SPHKAP: variants seen among roughly 807,000 people sequenced by gnomAD.
SPHKAP encodes the protein SPHK1 interactor, AKAP domain containing.
In SPHKAP, 67 loss-of-function variants were observed where a neutral mutation model predicts 137.5. The ratio of observed to expected loss-of-function variants is 0.49; its 90% CI spans 0.40 to 0.60. The LOEUF (loss-of-function observed/expected upper bound fraction) is 0.60, where lower values mean the gene tolerates loss of function less well. SPHKAP is among the 20% of genes least tolerant of loss of function. The pLI, the probability that SPHKAP is intolerant of heterozygous loss-of-function variation, is 0.00. For synonymous variants in SPHKAP, 813 were observed against 785.3 expected, an observed-to-expected ratio of 1.04 and a Z score of -0.59; for missense variants, 2,097 against 2,069.3, an observed-to-expected ratio of 1.01 and a Z score of -0.26.
intron 2 of SPHKAP, among the ~76,000 whole-genome samples, chr2:228,110,605 C>T (rs1050043088): frequency 2.0e-5 from 3 of 149,180 alleles, no homozygotes; most frequent in Non-Finnish European, 3.0e-5. Flanking sequence ...AATCAGACTA[C>T]TTTGATAATA....
At chr2:228,109,263 T>C (rs2106348236) in intron 2 of SPHKAP, 3 of 594,062 alleles carry the variant, frequency 5.0e-6, no homozygotes, top group Non-Finnish European at 6.4e-6. Context: ...ATGTGGGCAA[T>C]GGGGATCAAA....
At position 228,017,925 on chromosome 2, in the gene SPHKAP, G is replaced by A. The variant is rs1694673286; in HGVS notation, c.2929C>T (p.Arg977Ter). Reference sequence around the variant, plus strand: ...CTCTCTTTCTTCCTCTTCAAGGATCGGCAGGGTACGTTGGGTGTCATCAGA... The same window carrying A: ...CTCTCTTTCTTCCTCTTCAAGGATCAGCAGGGTACGTTGGGTGTCATCAGA... Reference protein sequence around the residue: ...EFLMTPNVPCRSLKRKKESQG... With the variant: ...EFLMTPNVPC The change falls in exon 7 of 12, where the codon CGA becomes TGA. Residue 977 changes from arginine to a stop codon, truncating the protein, a stop_gained. Coordinates refer to ENST00000392056, the MANE Select transcript of SPHKAP (RefSeq NM_001142644.2). LOFTEE classifies it high-confidence loss of function. The A allele has an allele frequency of 6.8e-6, 11 of 1,614,076 alleles. No individual in the cohort carries two copies. Among genetic ancestry groups the A allele is most frequent in the African/African-American group, 1.3e-5 (1 of 75,010 alleles).
At chr2:228,021,025 G>C (rs1409079660) in intron 6 of SPHKAP, among the ~76,000 whole-genome samples, 1 of 152,162 alleles carries the variant, frequency 6.6e-6, no homozygotes, top group Non-Finnish European at 1.5e-5. Context: ...TTGCTGCAAA[G>C]ATTTGTTCTA....
At chr2:228,065,958 G>T (rs1322594803) in intron 3 of SPHKAP, among the ~76,000 whole-genome samples, 1 of 152,168 alleles carries the variant, frequency 6.6e-6, no homozygotes, top group South Asian at 2.1e-4. Flanking sequence ...TGGTGCAGCT[G>T]TGCAAAAACG....
intron 3 of SPHKAP, among the ~76,000 whole-genome samples, chr2:228,035,970 G>A (rs1695573815): frequency 2.7e-5 from 4 of 150,308 alleles, no homozygotes; most frequent in African/African-American, 9.8e-5. Flanking sequence ...ACATAGGCAT[G>A]GGCAAGGACT....
At chr2:228,138,200 A>G (rs1055901448) in intron 1 of SPHKAP, among the ~76,000 whole-genome samples, 1 of 152,140 alleles carries the variant, frequency 6.6e-6, no homozygotes, top group African/African-American at 2.4e-5. Flanking sequence ...CCCCGTTAGG[A>G]CAGTTTAGCA....
At chr2:228,168,765 G>A (rs1373454604) in intron 1 of SPHKAP, among the ~76,000 whole-genome samples, 3 of 152,060 alleles carry the variant, frequency 2.0e-5, no homozygotes, top group Non-Finnish European at 4.4e-5. Context: ...TCTAAAACTG[G>A]GTATGATGAA....
intron 11 of SPHKAP, among the ~76,000 whole-genome samples, chr2:227,984,439 T>G (rs1041662971): frequency 2.0e-5 from 3 of 152,164 alleles, no homozygotes; most frequent in Non-Finnish European, 4.4e-5. Flanking sequence ...CCCTTTAGGT[T>G]AAGGCTTTGC....
intron 4 of SPHKAP, 102 bp downstream of exon 4, chr2:228,027,380 ATC>A: frequency 8.4e-7 from 1 of 1,185,194 alleles, no homozygotes; most frequent in South Asian, 1.3e-5. Flanking sequence ...TAATGAAACT[ATC>A]TAACTAAAGA....
At chr2:228,127,221 C>T (rs1022849793) in intron 2 of SPHKAP, among the ~76,000 whole-genome samples, 9 of 152,172 alleles carry the variant, frequency 5.9e-5, no homozygotes, top group Admixed American at 3.9e-4. Flanking sequence ...ACATACATTG[C>T]ATGTGCATTT....
chr2:228,094,361 A>C (rs565617174), intron 3 of SPHKAP, among the ~76,000 whole-genome samples: 28 of 152,316 alleles, frequency 1.8e-4, no homozygotes, highest in Admixed American at 1.2e-3. Context: ...AAAAATGAGT[A>C]GAATGGGCAA....
chr2:228,077,319 C>T (rs73096687), intron 3 of SPHKAP, among the ~76,000 whole-genome samples: 1,859 of 152,234 alleles, frequency 0.012, 27 homozygotes, highest in African/African-American at 0.035. Flanking sequence ...CCACTGTCCA[C>T]GGACAGCTTG....
At chr2:227,988,447 G>A (rs756803428) in intron 11 of SPHKAP, among the ~76,000 whole-genome samples, 13 of 152,092 alleles carry the variant, frequency 8.5e-5, no homozygotes, top group Non-Finnish European at 1.6e-4. Context: ...TTTGAGAATC[G>A]AAAATCAGGT....
chr2:228,096,980 G>A (rs921017996), intron 3 of SPHKAP, among the ~76,000 whole-genome samples: 1 of 152,058 alleles, frequency 6.6e-6, no homozygotes, highest in East Asian at 1.9e-4. Context: ...GAATCTAGGT[G>A]TTTTTCTTTT....
chr2:228,074,716 G>A (rs1281122246), intron 3 of SPHKAP, among the ~76,000 whole-genome samples: 1 of 152,084 alleles, frequency 6.6e-6, no homozygotes, highest in Non-Finnish European at 1.5e-5. Flanking sequence ...ACCCTTCATA[G>A]TTTGTAACTC....
intron 7 of SPHKAP, among the ~76,000 whole-genome samples, chr2:228,009,037 G>C (rs114684112): frequency 6.6e-6 from 1 of 152,170 alleles, no homozygotes; most frequent in Non-Finnish European, 1.5e-5. Context: ...GATTGGGATT[G>C]TAATGAATCT....
At chr2:227,999,983 G>A (rs976824082) in intron 7 of SPHKAP, among the ~76,000 whole-genome samples, 3 of 152,200 alleles carry the variant, frequency 2.0e-5, no homozygotes, top group African/African-American at 7.2e-5. Flanking sequence ...GATGTTGCAT[G>A]TTCTATATAG....
At chr2:228,149,475 G>A (rs1039527191) in intron 1 of SPHKAP, among the ~76,000 whole-genome samples, 1 of 152,186 alleles carries the variant, frequency 6.6e-6, no homozygotes. Flanking sequence ...CTGTGTGAAT[G>A]AGAATGCTGG....
At chr2:228,061,008 G>T (rs552328457) in intron 3 of SPHKAP, among the ~76,000 whole-genome samples, 6 of 152,274 alleles carry the variant, frequency 3.9e-5, no homozygotes, top group African/African-American at 1.4e-4. Flanking sequence ...AATCTCACTG[G>T]ATTTGAGGCC....
Sources: gnomAD v4.1 joint callset for allele counts (sites outside exome capture counted in the v4.1 genomes callset) on GRCh38, gnomAD v4.1.1 for gene constraint, MANE v1.5 for transcripts, NCBI Gene and HGNC (gene_info 2026-07-23, HGNC 2026-07-21) for gene names.